Variants in RPIA observed in about 807,000 individuals in gnomAD.
The protein encoded by RPIA is ribose 5-phosphate isomerase A, also known as ribose-5-phosphate isomerase.
RPIA carries 29 observed loss-of-function variants against 37.8 expected under a neutral mutation model. That is an observed-to-expected ratio of 0.77 (90% confidence interval 0.57 to 1.05). The LOEUF is 1.05. Among genes scored for constraint, RPIA ranks in the 50% least tolerant of loss-of-function variants. RPIA has a pLI of 0.00. For missense variants in RPIA, 385 were observed against 413.6 expected, an observed-to-expected ratio of 0.93 and a Z score of 0.60; for synonymous variants, 167 against 157.0, an observed-to-expected ratio of 1.06 and a Z score of -0.48.
At chr2:88,749,364 T>C (rs1047184371) in intron 8 of RPIA, among the ~76,000 whole-genome samples, 3 of 152,222 alleles carry the variant, frequency 2.0e-5, no homozygotes, top group African/African-American at 7.2e-5. Context: ...ATTTTGAGCA[T>C]CTTTTAAAAT....
At chr2:88,749,845 TG>T in intron 8 of RPIA, 135 bp from the exon 9 acceptor site, 1 of 659,908 alleles carries the variant, frequency 1.5e-6, no homozygotes, top group Non-Finnish European at 2.8e-6. Flanking sequence ...CATTGCTCTG[TG>T]GGAGAAAAAG....
At chr2:88,698,354 C>T (rs756249641) in intron 1 of RPIA, 130 bp from the exon 2 acceptor site, 6 of 806,282 alleles carry the variant, frequency 7.4e-6, no homozygotes, top group South Asian at 1.4e-5. Context: ...AAAATAGGCA[C>T]AGTACCTGTC....
At chr2:88,736,282 C>T (rs910784420) in intron 6 of RPIA, among the ~76,000 whole-genome samples, 6 of 152,114 alleles carry the variant, frequency 3.9e-5, no homozygotes, top group South Asian at 4.1e-4. Context: ...AGCCACAGGA[C>T]GAGCATAAAT....
chr2:88,702,062 A>G (rs139828645), intron 3 of RPIA, among the ~76,000 whole-genome samples: 4 of 152,296 alleles, frequency 2.6e-5, no homozygotes, highest in Non-Finnish European at 4.4e-5. Flanking sequence ...GTACTTTATG[A>G]TATCTTTGCA....
chr2:88,692,227 C>G (rs1045458432), intron 1 of RPIA, among the ~76,000 whole-genome samples: 1 of 152,222 alleles, frequency 6.6e-6, no homozygotes, highest in Non-Finnish European at 1.5e-5. Context: ...ACTCCTTGTC[C>G]AGCTGGAACA....
At chr2:88,712,484 A>G (rs578257545) in intron 3 of RPIA, among the ~76,000 whole-genome samples, 2 of 152,350 alleles carry the variant, frequency 1.3e-5, no homozygotes, top group East Asian at 1.9e-4. Context: ...TAAATGGAAG[A>G]TGAACATTTG....
chr2:88,721,213 CAGG>C (rs978374206), intron 3 of RPIA, among the ~76,000 whole-genome samples: 8 of 151,710 alleles, frequency 5.3e-5, no homozygotes, highest in African/African-American at 1.9e-4. Context: ...TGGGGCCTGT[CAGG>C]GGGTGAGGGG....
intron 8 of RPIA, among the ~76,000 whole-genome samples, chr2:88,748,869 C>T (rs990488612): frequency 1.4e-4 from 22 of 152,152 alleles, no homozygotes; most frequent in African/African-American, 5.3e-4. Context: ...TGCCAGCATG[C>T]TTGGCTAATT....
At chr2:88,721,542 T>TACAC (rs1673128068) in intron 3 of RPIA, among the ~76,000 whole-genome samples, 1 of 92,432 alleles carries the variant, frequency 1.1e-5, no homozygotes, top group Non-Finnish European at 2.1e-5. Flanking sequence ...AGATATATAT[T>TACAC]ATACACACAC....
chr2:88,691,806 C>T lies in RPIA; in HGVS notation c.108C>T (p.Leu36=), dbSNP rs756833574. The change falls in exon 1 of 9, where the codon CTC becomes CTT. Residue 36 remains leucine (L), a synonymous_variant. Transcript: ENST00000283646. ...ASGGGGNSWD[L]PGSHVRLPGR... Reference sequence around the variant, plus strand: ...GCGGAGGAGGGAACAGCTGGGACCTCCCGGGTTCCCACGTGCGGCTGCCGG... The same window carrying T: ...GCGGAGGAGGGAACAGCTGGGACCTTCCGGGTTCCCACGTGCGGCTGCCGG... The T allele has an allele frequency of 2.5e-6, 4 of 1,595,272 alleles. No homozygotes were observed. Among genetic ancestry groups the T allele is most frequent in the East Asian group, 2.3e-5 (1 of 44,400 alleles).
chr2:88,720,343 G>T (rs1160563674), intron 3 of RPIA, among the ~76,000 whole-genome samples: 1 of 151,990 alleles, frequency 6.6e-6, no homozygotes, highest in Non-Finnish European at 1.5e-5. Flanking sequence ...AAAGGCAAAA[G>T]GAAAGACCTT....
At chr2:88,734,279 C>G (rs1673288930) in intron 4 of RPIA, among the ~76,000 whole-genome samples, 1 of 152,106 alleles carries the variant, frequency 6.6e-6, no homozygotes, top group Admixed American at 6.5e-5. Context: ...ATAACGCCAG[C>G]TTGTCCACAG....
intron 3 of RPIA, among the ~76,000 whole-genome samples, chr2:88,724,515 G>T (rs1673173700): frequency 6.6e-6 from 1 of 152,032 alleles, no homozygotes; most frequent in Non-Finnish European, 1.5e-5. Flanking sequence ...CACCATGTTG[G>T]CAAGGCTGGT....
At chr2:88,727,249 C>A (rs1673210770) in intron 3 of RPIA, among the ~76,000 whole-genome samples, 1 of 152,198 alleles carries the variant, frequency 6.6e-6, no homozygotes, top group South Asian at 2.1e-4. Context: ...ATTGGTCACT[C>A]ACACAGACTA....
intron 3 of RPIA, among the ~76,000 whole-genome samples, chr2:88,710,263 C>T (rs1672946715): frequency 6.6e-6 from 1 of 152,108 alleles, no homozygotes; most frequent in Non-Finnish European, 1.5e-5. Flanking sequence ...GCAGGCTGTT[C>T]TCGAACTCCT....
In RPIA at chr2:88,734,631, G is replaced by A; in HGVS notation, c.527+15G>A. The A allele has an allele frequency of 3.7e-6, 6 of 1,613,818 alleles. No individual in the cohort carries two copies. Among genetic ancestry groups the A allele is most frequent in the Non-Finnish European group, 5.1e-6 (6 of 1,179,718 alleles). On this transcript the variant is annotated intron_variant, in intron 5 of 8. Coordinates refer to ENST00000283646, the MANE Select transcript of RPIA (RefSeq NM_144563.3). ...AAGGGTGGCGGGTGAGTGTTGTGGG[G>A]GCTTCTGTGCTAAAGAGTATCTGCC...
intron 8 of RPIA, among the ~76,000 whole-genome samples, chr2:88,741,468 C>T (rs1673382609): frequency 6.6e-6 from 1 of 152,106 alleles, no homozygotes; most frequent in Non-Finnish European, 1.5e-5. Flanking sequence ...TTTATCCACT[C>T]ATTGGTTGAT....
At chr2:88,745,206 T>G (rs1414858287) in intron 8 of RPIA, among the ~76,000 whole-genome samples, 1 of 152,170 alleles carries the variant, frequency 6.6e-6, no homozygotes, top group Non-Finnish European at 1.5e-5. Context: ...GTGATCTGCC[T>G]GCCTTGGCCG....
intron 8 of RPIA, among the ~76,000 whole-genome samples, chr2:88,739,358 C>A (rs1673355734): frequency 6.6e-6 from 1 of 152,124 alleles, no homozygotes; most frequent in Non-Finnish European, 1.5e-5. Flanking sequence ...CATCTCTGTG[C>A]CCGAGTTTCT....
Sources: gnomAD v4.1 joint callset for allele counts (sites outside exome capture counted in the v4.1 genomes callset) on GRCh38, gnomAD v4.1.1 for gene constraint, MANE v1.5 for transcripts, NCBI Gene and HGNC (gene_info 2026-07-23, HGNC 2026-07-21) for gene names.